Variants in PDE7B observed in about 807,000 individuals in gnomAD.
PDE7B encodes phosphodiesterase 7B.
A neutral mutation model predicts 56.2 loss-of-function variants in PDE7B; 29 were observed. The observed-to-expected ratio is 0.52, with a 90% CI of 0.38 to 0.70. The LOEUF (loss-of-function observed/expected upper bound fraction) is 0.70. Ranked by LOEUF, PDE7B falls within the 30% of genes least tolerant of loss-of-function variation. The probability of loss-of-function intolerance (pLI) is 0.00; values close to 1 mark genes in which losing one functional copy is unlikely to be tolerated. For missense variants in PDE7B, 490 were observed against 565.0 expected, an observed-to-expected ratio of 0.87 and a Z score of 1.35; for synonymous variants, 197 against 196.9, an observed-to-expected ratio of 1.00 and a Z score of 0.00.
chr6:136,143,728 A>G (rs1453241873), intron 3 of PDE7B, among the ~76,000 whole-genome samples: 1 of 152,120 alleles, frequency 6.6e-6, no homozygotes, highest in African/African-American at 2.4e-5. Flanking sequence ...GTAATATTTT[A>G]GTCAAAGTTA....
At chr6:136,124,965 T>C (rs985478640) in intron 3 of PDE7B, among the ~76,000 whole-genome samples, 1 of 152,214 alleles carries the variant, frequency 6.6e-6, no homozygotes, top group Admixed American at 6.5e-5. Flanking sequence ...AAATTATTTG[T>C]ATTTGTGATA....
chr6:135,921,981 A>G (rs1000807775), intron 1 of PDE7B, among the ~76,000 whole-genome samples: 1 of 152,176 alleles, frequency 6.6e-6, no homozygotes, highest in Non-Finnish European at 1.5e-5. Flanking sequence ...ATTCAATTCA[A>G]TGTACCTGAA....
intron 1 of PDE7B, among the ~76,000 whole-genome samples, chr6:135,886,344 TCCTA>T (rs1481711357): frequency 6.6e-6 from 1 of 152,144 alleles, no homozygotes; most frequent in African/African-American, 2.4e-5. Flanking sequence ...ATCATCTTTT[TCCTA>T]CCTTTTTTCC....
intron 1 of PDE7B, among the ~76,000 whole-genome samples, chr6:135,928,919 T>C (rs1039138034): frequency 6.6e-6 from 1 of 152,094 alleles, no homozygotes; most frequent in African/African-American, 2.4e-5. Flanking sequence ...TCATGCAAAT[T>C]ACCCATGTAA....
chr6:136,152,104 G>T (rs1778530450), intron 6 of PDE7B, among the ~76,000 whole-genome samples: 3 of 152,164 alleles, frequency 2.0e-5, no homozygotes, highest in Admixed American at 2.0e-4. Flanking sequence ...TCTCAGGGTG[G>T]CCAAGGCAGA....
intron 1 of PDE7B, among the ~76,000 whole-genome samples, chr6:135,903,832 G>A (rs1776048435): frequency 6.6e-6 from 1 of 152,160 alleles, no homozygotes; most frequent in Non-Finnish European, 1.5e-5. Flanking sequence ...AGCATGTACA[G>A]AAATGAAAAC....
In PDE7B at chr6:135,851,986, C is replaced by A; in HGVS notation, c.-13C>A. On this transcript the variant is annotated 5_prime_UTR_variant, in exon 1 of 13. Transcript: ENST00000308191. ...ACGGCATTCAAAGGTCACAGAACTG[C>A]CACTATGGTTAAATGTCTTGTTTAA... is the stretch of plus-strand genomic sequence containing the variant. The A allele has an allele frequency of 6.2e-7, 1 of 1,605,580 alleles. No homozygotes were observed. Among genetic ancestry groups the A allele is most frequent in the Non-Finnish European group, 8.5e-7 (1 of 1,172,290 alleles).
intron 2 of PDE7B, among the ~76,000 whole-genome samples, chr6:135,982,199 C>CT (rs1775309192): frequency 6.6e-6 from 1 of 152,118 alleles, no homozygotes; most frequent in Non-Finnish European, 1.5e-5. Context: ...GCCAAATTGG[C>CT]TTAAGCATAA....
chr6:135,957,088 C>G (rs1774809221), intron 2 of PDE7B, among the ~76,000 whole-genome samples: 1 of 152,012 alleles, frequency 6.6e-6, no homozygotes, highest in Non-Finnish European at 1.5e-5. Context: ...GAGCCTTAAA[C>G]CTGCGATTGT....
chr6:136,169,031 T>A (rs1425414416), intron 8 of PDE7B, among the ~76,000 whole-genome samples: 2 of 152,060 alleles, frequency 1.3e-5, no homozygotes, highest in East Asian at 3.9e-4. Context: ...AGAGCTTAGG[T>A]TTGAGTCTGC....
At chr6:136,174,101 A>T (rs781569633) in intron 9 of PDE7B, among the ~76,000 whole-genome samples, 30 of 152,178 alleles carry the variant, frequency 2.0e-4, no homozygotes, top group Non-Finnish European at 3.8e-4. Flanking sequence ...GGCCTTGCAG[A>T]GTCAATGACC....
rs561316207 is a variant in PDE7B at position 135,984,284 on chromosome 6, T to C, written c.82+36760T>C. On this transcript the variant is annotated intron_variant, in intron 2 of 12. Transcript: ENST00000308191. ...CTGAAAGTAAATCATAGTCTCCCAATTGTTTTGTTTTTTTGTTTGTTTTTT... is the reference window on the plus strand; with the variant it reads ...CTGAAAGTAAATCATAGTCTCCCAACTGTTTTGTTTTTTTGTTTGTTTTTT... Among the ~76,000 whole-genome samples, 15 of 151,966 alleles carry C rather than the reference T, an allele frequency of 9.9e-5. No individual in the cohort carries two copies. The South Asian group carries it at 2.5e-3, about 25-fold the overall frequency.
At chr6:136,145,722 T>C (rs1226070493) in intron 3 of PDE7B, among the ~76,000 whole-genome samples, 1 of 152,210 alleles carries the variant, frequency 6.6e-6, no homozygotes, top group African/African-American at 2.4e-5. Context: ...TTGGCTTTCC[T>C]CTGTCCTTAT....
At chr6:135,948,884 T>C (rs867423072) in intron 2 of PDE7B, among the ~76,000 whole-genome samples, 5 of 134,160 alleles carry the variant, frequency 3.7e-5, no homozygotes, top group African/African-American at 1.0e-4. Context: ...GATAGATAGA[T>C]AGATAGATAG....
At chr6:135,921,522 A>G (rs961640617) in intron 1 of PDE7B, among the ~76,000 whole-genome samples, 3 of 152,146 alleles carry the variant, frequency 2.0e-5, no homozygotes, top group Non-Finnish European at 4.4e-5. Flanking sequence ...ATGTTCCCCT[A>G]TATTAAAATT....
At chr6:136,173,657 G>A in intron 8 of PDE7B, 140 bp from the exon 9 acceptor site, 1 of 613,950 alleles carries the variant, frequency 1.6e-6, no homozygotes, top group East Asian at 2.8e-5. Context: ...TATCTTTTGG[G>A]TTTTTTTTTC....
At chr6:136,107,092 A>G (rs542221047) in intron 2 of PDE7B, among the ~76,000 whole-genome samples, 14 of 152,330 alleles carry the variant, frequency 9.2e-5, no homozygotes, top group African/African-American at 3.1e-4. Flanking sequence ...CATGGCTTGC[A>G]CTTTACAACC....
chr6:136,056,871 C>A (rs918440785), intron 2 of PDE7B, among the ~76,000 whole-genome samples: 3 of 152,042 alleles, frequency 2.0e-5, no homozygotes, highest in African/African-American at 7.2e-5. Flanking sequence ...GGTTTGTATT[C>A]TTTTTTGTTA....
chr6:135,999,342 T>C (rs923188013), intron 2 of PDE7B, among the ~76,000 whole-genome samples: 3 of 152,204 alleles, frequency 2.0e-5, no homozygotes, highest in African/African-American at 7.2e-5. Context: ...AAGGGTTTAC[T>C]GTACAGATTT....
Sources: gnomAD v4.1 joint callset for allele counts (sites outside exome capture counted in the v4.1 genomes callset) on GRCh38, gnomAD v4.1.1 for gene constraint, MANE v1.5 for transcripts, NCBI Gene and HGNC (gene_info 2026-07-23, HGNC 2026-07-21) for gene names.